The following CLVS1 variants were observed in gnomAD, a reference collection of about 807,000 sequenced individuals.
CLVS1 encodes clavesin 1.
In CLVS1, 10 loss-of-function variants were observed where a neutral mutation model predicts 33.1. That is an observed-to-expected ratio of 0.30 (90% CI 0.19 to 0.51). The LOEUF (loss-of-function observed/expected upper bound fraction) is 0.51. Ranked by LOEUF, CLVS1 falls within the 20% of genes least tolerant of loss-of-function variation. The pLI, the probability that CLVS1 is intolerant of heterozygous loss-of-function variation, is 0.97. For synonymous variants in CLVS1, 163 were observed against 166.1 expected, an observed-to-expected ratio of 0.98 and a Z score of 0.14; for missense variants, 343 against 433.4, an observed-to-expected ratio of 0.79 and a Z score of 1.85.
At chr8:61,373,758 C>T (rs1035745325) in intron 2 of CLVS1, among the ~76,000 whole-genome samples, 3 of 152,170 alleles carry the variant, frequency 2.0e-5, no homozygotes, top group African/African-American at 7.2e-5. Context: ...TGTTGGATAG[C>T]TATTGCTATG....
the CLVS1 span, among the ~76,000 whole-genome samples, chr8:61,043,331 C>A: frequency 6.6e-6 from 1 of 152,326 alleles, no homozygotes; most frequent in South Asian, 2.1e-4. Flanking sequence ...TCAAAAGCAG[C>A]ATGGTATCCT....
At chr8:61,006,436 G>C in the CLVS1 span, among the ~76,000 whole-genome samples, 1 of 152,156 alleles carries the variant, frequency 6.6e-6, no homozygotes, top group African/African-American at 2.4e-5. Context: ...ATGGCCCGAG[G>C]AGGAGGGAAG....
chr8:61,064,321 C>T (rs1053877208), intron 1 of CLVS1, among the ~76,000 whole-genome samples: 1 of 152,158 alleles, frequency 6.6e-6, no homozygotes, highest in Non-Finnish European at 1.5e-5. Context: ...GACGCTGCAC[C>T]ATTTTATGCT....
intron 1 of CLVS1, among the ~76,000 whole-genome samples, chr8:61,089,701 T>A (rs1478017603): frequency 1.3e-5 from 2 of 152,118 alleles, no homozygotes; most frequent in Non-Finnish European, 2.9e-5. Context: ...GGAGAAATGC[T>A]TGAGGCCAGT....
At chr8:61,073,424 A>T (rs977231964) in intron 1 of CLVS1, among the ~76,000 whole-genome samples, 13 of 152,194 alleles carry the variant, frequency 8.5e-5, no homozygotes, top group Admixed American at 6.5e-5. Context: ...ATATGTTGTC[A>T]TGAAGATATG....
At chr8:61,390,038 G>A (rs964653019) in intron 3 of CLVS1, among the ~76,000 whole-genome samples, 4 of 152,144 alleles carry the variant, frequency 2.6e-5, no homozygotes, top group African/African-American at 2.4e-5. Context: ...ATGCCTGGAG[G>A]TTGAAATCCA....
the CLVS1 span, among the ~76,000 whole-genome samples, chr8:61,021,962 C>A: frequency 6.6e-6 from 1 of 152,192 alleles, no homozygotes; most frequent in African/African-American, 2.4e-5. Flanking sequence ...TGCTTAGATG[C>A]CACTTATAAG....
intron 2 of CLVS1, among the ~76,000 whole-genome samples, chr8:61,325,381 G>T (rs755570545): frequency 9.2e-5 from 14 of 152,112 alleles, no homozygotes; most frequent in Admixed American, 4.6e-4. Flanking sequence ...ACCTATGTTT[G>T]CAGCTGAGTA....
intron 2 of CLVS1, among the ~76,000 whole-genome samples, chr8:61,143,300 C>A (rs900849793): frequency 2.0e-5 from 3 of 152,066 alleles, no homozygotes; most frequent in Non-Finnish European, 4.4e-5. Context: ...CACAATAAGC[C>A]CCAGGATTCG....
At chr8:61,301,659 A>G (rs1166973212) in intron 2 of CLVS1, among the ~76,000 whole-genome samples, 1 of 152,180 alleles carries the variant, frequency 6.6e-6, no homozygotes, top group African/African-American at 2.4e-5. Flanking sequence ...TTGATGACAT[A>G]AGGCTTTTAG....
chr8:61,396,718 G>A (rs1447365651), intron 3 of CLVS1, among the ~76,000 whole-genome samples: 1 of 152,082 alleles, frequency 6.6e-6, no homozygotes, highest in Non-Finnish European at 1.5e-5. Context: ...AGAGATACAG[G>A]CAACCACTAG....
intron 1 of CLVS1, among the ~76,000 whole-genome samples, chr8:61,116,851 C>A (rs879835837): frequency 7.1e-6 from 1 of 140,312 alleles, no homozygotes; most frequent in Non-Finnish European, 1.5e-5. Context: ...CTTGGCGATG[C>A]GGGCTCTTTT....
intron 1 of CLVS1, among the ~76,000 whole-genome samples, chr8:61,087,282 AG>A (rs1228767272): frequency 3.3e-5 from 5 of 152,164 alleles, no homozygotes; most frequent in South Asian, 2.1e-4. Context: ...AACTGGGAAG[AG>A]GGGGCATTGA....
intron 3 of CLVS1, among the ~76,000 whole-genome samples, chr8:61,403,817 G>T (rs1371665330): frequency 6.6e-6 from 1 of 152,174 alleles, no homozygotes; most frequent in Non-Finnish European, 1.5e-5. Context: ...CTTGGCACAG[G>T]ATTCCACGAA....
At chr8:61,190,711 A>T (rs1212839906) in intron 2 of CLVS1, among the ~76,000 whole-genome samples, 1 of 152,232 alleles carries the variant, frequency 6.6e-6, no homozygotes, top group Non-Finnish European at 1.5e-5. Flanking sequence ...GATCCCACAG[A>T]AATACAAACT....
chr8:61,203,059 AG>A, intron 2 of CLVS1: 1 of 1,304,744 alleles, frequency 7.7e-7, no homozygotes, highest in South Asian at 1.2e-5. Flanking sequence ...AAACACCAAA[AG>A]GACCTAGTTC....
intron 2 of CLVS1, among the ~76,000 whole-genome samples, chr8:61,342,465 T>C (rs1269525878): frequency 1.3e-5 from 2 of 152,208 alleles, no homozygotes; most frequent in Non-Finnish European, 2.9e-5. Flanking sequence ...TCTGCCTTGC[T>C]CTCTATCTTG....
chr8:61,192,818 A>G (rs958299366), intron 2 of CLVS1, among the ~76,000 whole-genome samples: 1 of 152,222 alleles, frequency 6.6e-6, no homozygotes, highest in African/African-American at 2.4e-5. Flanking sequence ...AACGACAATG[A>G]GATACCATGT....
At chr8:61,136,152 A>G (rs1035107233) in intron 2 of CLVS1, among the ~76,000 whole-genome samples, 2 of 152,222 alleles carry the variant, frequency 1.3e-5, no homozygotes, top group African/African-American at 4.8e-5. Context: ...AGGTTTGAGA[A>G]CCATTGTTCC....
Sources: allele counts gnomAD v4.1 joint callset (sites outside exome capture counted in the v4.1 genomes callset), GRCh38; gene constraint gnomAD v4.1.1; transcripts MANE v1.5; gene names NCBI Gene and HGNC (gene_info 2026-07-23, HGNC 2026-07-21).